ST3GAL3: variants seen among roughly 807,000 people sequenced by gnomAD.
The protein encoded by ST3GAL3 is ST3 beta-galactoside alpha-2,3-sialyltransferase 3.
In ST3GAL3, 21 loss-of-function variants were observed where a neutral mutation model predicts 50.1. The ratio of observed to expected loss-of-function variants is 0.42; its 90% CI spans 0.30 to 0.60. ST3GAL3 has a LOEUF of 0.60. Among genes scored for constraint, ST3GAL3 ranks in the 20% least tolerant of loss-of-function variants. The pLI is 0.19. For missense variants in ST3GAL3, 353 were observed against 489.4 expected, an observed-to-expected ratio of 0.72 and a Z score of 2.63; for synonymous variants, 183 against 190.0, an observed-to-expected ratio of 0.96 and a Z score of 0.30.
At chr1:43,817,037 C>A (rs2061323492) in intron 4 of ST3GAL3, among the ~76,000 whole-genome samples, 1 of 152,196 alleles carries the variant, frequency 6.6e-6, no homozygotes, top group Non-Finnish European at 1.5e-5. Flanking sequence ...TACCAAGTCC[C>A]TCTCTAGTTG....
At chr1:43,880,568 C>T (rs755660621) in intron 5 of ST3GAL3, among the ~76,000 whole-genome samples, 1 of 152,026 alleles carries the variant, frequency 6.6e-6, no homozygotes, top group Non-Finnish European at 1.5e-5. Context: ...TGAATACAAA[C>T]ATCTCAGTTC....
intron 4 of ST3GAL3, among the ~76,000 whole-genome samples, chr1:43,828,794 C>T (rs1274346940): frequency 6.6e-6 from 1 of 152,142 alleles, no homozygotes; most frequent in Non-Finnish European, 1.5e-5. Flanking sequence ...TAGGAACGCT[C>T]ATTCACTGCT....
chr1:43,896,245 C>T (rs574025772), intron 6 of ST3GAL3, among the ~76,000 whole-genome samples: 4 of 152,320 alleles, frequency 2.6e-5, no homozygotes, highest in African/African-American at 9.6e-5. Flanking sequence ...CTCAGTGTCC[C>T]GGAGAAATCC....
intron 11 of ST3GAL3, 78 bp from the exon 12 acceptor site, chr1:43,930,054 G>T: frequency 8.1e-7 from 1 of 1,235,604 alleles, no homozygotes; most frequent in South Asian, 1.2e-5. Context: ...GAGTGGTGAC[G>T]AAGAAGGCAC....
At chr1:43,710,831 C>CT (rs1664360625) in intron 1 of ST3GAL3, among the ~76,000 whole-genome samples, 1 of 152,212 alleles carries the variant, frequency 6.6e-6, no homozygotes, top group African/African-American at 2.4e-5. Context: ...TGTCTCTCTT[C>CT]TTTAAGTTTA....
At chr1:43,888,792 G>T (rs1177633521) in intron 5 of ST3GAL3, among the ~76,000 whole-genome samples, 2 of 152,186 alleles carry the variant, frequency 1.3e-5, no homozygotes, top group African/African-American at 4.8e-5. Context: ...TGCAGGGGCT[G>T]TGGGGGAGTG....
chr1:43,909,046 C>T (rs2154282839), intron 9 of ST3GAL3, among the ~76,000 whole-genome samples: 1 of 152,360 alleles, frequency 6.6e-6, no homozygotes, highest in East Asian at 1.9e-4. Context: ...GTATGAGATG[C>T]TCCTCTTCTT....
chr1:43,846,913 A>T (rs1244718541), intron 5 of ST3GAL3, among the ~76,000 whole-genome samples: 2 of 152,242 alleles, frequency 1.3e-5, no homozygotes, highest in African/African-American at 4.8e-5. Context: ...TAAGAGGTTA[A>T]TGTTGTCCAG....
chr1:43,817,424 TTCTTCTC>T (rs2061405549), intron 4 of ST3GAL3, among the ~76,000 whole-genome samples: 3 of 2,874 alleles, frequency 1.0e-3, no homozygotes, highest in African/African-American at 4.4e-3. Context: ...CTCCTTCTCC[TTCTTCTC>T]CTTCTTCCTT....
chr1:43,770,392 C>T (rs945590747), intron 2 of ST3GAL3, among the ~76,000 whole-genome samples: 1 of 151,906 alleles, frequency 6.6e-6, no homozygotes, highest in Non-Finnish European at 1.5e-5. Context: ...AAAGCACTGA[C>T]ATAGGAGGGA....
At chr1:43,822,585 G>A (rs2062248845) in intron 4 of ST3GAL3, among the ~76,000 whole-genome samples, 1 of 152,186 alleles carries the variant, frequency 6.6e-6, no homozygotes, top group Non-Finnish European at 1.5e-5. Context: ...TCTAAATATA[G>A]CCTGAGGTGA....
At chr1:43,792,552 C>A (rs2058206842) in intron 3 of ST3GAL3, among the ~76,000 whole-genome samples, 2 of 152,120 alleles carry the variant, frequency 1.3e-5, no homozygotes, top group South Asian at 4.2e-4. Context: ...TGGGAGCATC[C>A]CAGTTTCCTG....
chr1:43,920,755 T>A, intron 10 of ST3GAL3, 27 bp from the exon 11 acceptor site: 1 of 1,614,124 alleles, frequency 6.2e-7, no homozygotes, highest in Non-Finnish European at 8.5e-7. Flanking sequence ...CTGCATGCCT[T>A]CTCTCACCCC....
chr1:43,921,046 T>C, intron 11 of ST3GAL3, 118 bp downstream of exon 11: 1 of 1,232,170 alleles, frequency 8.1e-7, no homozygotes, highest in South Asian at 1.4e-5. Flanking sequence ...CAGAAGGTCC[T>C]GACACCAAGC....
chr1:43,880,169 G>C (rs2485997), intron 5 of ST3GAL3, among the ~76,000 whole-genome samples: 100,193 of 152,076 alleles, frequency 0.66, 33,903 homozygotes, highest in Non-Finnish European at 0.75. Context: ...TGAGAGCTAG[G>C]GGTGCCACAA....
chr1:43,850,236 G>A, intron 5 of ST3GAL3: 5 of 414,890 alleles, frequency 1.2e-5, no homozygotes, highest in South Asian at 9.5e-5. Flanking sequence ...ATCTCTCAAG[G>A]GGATCCTCCA....
intron 5 of ST3GAL3, among the ~76,000 whole-genome samples, chr1:43,864,914 G>A (rs571776340): frequency 1.3e-5 from 2 of 152,090 alleles, no homozygotes; most frequent in African/African-American, 4.8e-5. Flanking sequence ...TGGGGAGAAC[G>A]CTTAGCTTCA....
intron 5 of ST3GAL3, chr1:43,842,094 A>G (rs949151884): frequency 1.3e-5 from 2 of 152,344 alleles, no homozygotes. Flanking sequence ...CCATTTCCCA[A>G]TGAGTTCCTC....
intron 1 of ST3GAL3, among the ~76,000 whole-genome samples, chr1:43,735,404 G>A (rs796431919): frequency 9.8e-5 from 15 of 152,300 alleles, no homozygotes; most frequent in African/African-American, 2.6e-4. Context: ...AAGATATGGC[G>A]GAGGGGGAAT....
Sources: allele counts gnomAD v4.1 joint callset (sites outside exome capture counted in the v4.1 genomes callset), GRCh38; gene constraint gnomAD v4.1.1; transcripts MANE v1.5; gene names NCBI Gene and HGNC (gene_info 2026-07-23, HGNC 2026-07-21).